Variants in CSMD1 observed in about 807,000 individuals in gnomAD.
The protein encoded by CSMD1 is CUB and sushi domain-containing protein 1.
CSMD1 carries 213 observed loss-of-function variants against 417.5 expected under a neutral mutation model. That is an observed-to-expected ratio of 0.51 (90% confidence interval 0.46 to 0.57). CSMD1 has a LOEUF of 0.57. Among genes scored for constraint, CSMD1 ranks in the 20% least tolerant of loss-of-function variants. The pLI, the probability that CSMD1 is intolerant of heterozygous loss-of-function variation, is 0.00. For synonymous variants in CSMD1, 2,862 were observed against 1,736.8 expected (o/e 1.65, Z -16.11); for missense variants, 6,923 against 4,529.7 (o/e 1.53, Z -15.17).
chr8:3,639,789 C>T (rs955361281), intron 7 of CSMD1, among the ~76,000 whole-genome samples: 4 of 152,162 alleles, frequency 2.6e-5, no homozygotes, highest in East Asian at 3.8e-4. Flanking sequence ...CTTCTAACTA[C>T]TCATCCTATT....
chr8:3,861,778 T>C (rs1217576063), intron 5 of CSMD1, among the ~76,000 whole-genome samples: 1 of 152,180 alleles, frequency 6.6e-6, no homozygotes, highest in Non-Finnish European at 1.5e-5. Flanking sequence ...ACTGGCCCAC[T>C]GAGTATCCTG....
At chr8:4,162,657 C>T (rs1417122872) in intron 3 of CSMD1, among the ~76,000 whole-genome samples, 1 of 152,132 alleles carries the variant, frequency 6.6e-6, no homozygotes, top group Non-Finnish European at 1.5e-5. Context: ...TGTCATGTAA[C>T]ACCTGCTCCC....
In CSMD1 at chr8:2,957,055, G is replaced by A. The variant is rs117661113; in HGVS notation, c.9814+641C>T. On this transcript the variant is annotated intron_variant, in intron 63 of 69. Transcript: ENST00000635120. ...TTTAATACAGTAAGAATAAGACACC[G>A]CATTTCACTAAATTCAGAGTGAGTG... 9.3e-3 allele frequency among the ~76,000 whole-genome samples: 1,408 copies of A among 151,998 alleles called. 9 individuals carry two copies. Among genetic ancestry groups the A allele is most frequent in the Middle Eastern group, 0.017 (5 of 294 alleles).
At chr8:3,650,254 G>C (rs775749458) in intron 7 of CSMD1, among the ~76,000 whole-genome samples, 3 of 151,758 alleles carry the variant, frequency 2.0e-5, no homozygotes, top group Non-Finnish European at 2.9e-5. Flanking sequence ...CTCCAGCCTG[G>C]GTGACAGAGC....
chr8:4,627,439 C>T (rs546545213), intron 2 of CSMD1, among the ~76,000 whole-genome samples: 3 of 152,140 alleles, frequency 2.0e-5, no homozygotes, highest in Admixed American at 1.3e-4. Context: ...GGATTTGATA[C>T]CTGAAGAAAA....
At chr8:3,167,233 C>T (rs533618324) in intron 37 of CSMD1, among the ~76,000 whole-genome samples, 47 of 148,358 alleles carry the variant, frequency 3.2e-4, no homozygotes, top group African/African-American at 8.7e-4. Flanking sequence ...TGCAGTGAGC[C>T]GAGATCGCAC....
chr8:4,349,867 T>G (rs556423563), intron 3 of CSMD1, among the ~76,000 whole-genome samples: 3 of 151,886 alleles, frequency 2.0e-5, no homozygotes, highest in Non-Finnish European at 4.4e-5. Context: ...CTATGTAATG[T>G]TACCTTTAAG....
At chr8:3,765,734 G>A (rs1401009330) in intron 5 of CSMD1, among the ~76,000 whole-genome samples, 6 of 152,282 alleles carry the variant, frequency 3.9e-5, no homozygotes, top group South Asian at 2.1e-4. Flanking sequence ...AGGTGGGGGC[G>A]CCCAGGGGGT....
chr8:2,970,130 A>C (rs1421982584), intron 57 of CSMD1, among the ~76,000 whole-genome samples: 1 of 152,222 alleles, frequency 6.6e-6, no homozygotes, highest in Non-Finnish European at 1.5e-5. Flanking sequence ...AGTTAGATAG[A>C]TTGGGAAGTG....
intron 13 of CSMD1, 54 bp downstream of exon 13, chr8:3,409,369 C>T (rs577099813): frequency 1.7e-5 from 24 of 1,448,020 alleles, no homozygotes; most frequent in African/African-American, 2.8e-5. Flanking sequence ...CTTTTCTCCC[C>T]TTGCAAGATC....
In CSMD1 at chr8:4,227,558, A is replaced by G. The variant is rs1339786957; in HGVS notation, c.415+192395T>C. ...CTGAGAAGCAGGGGTGCCAGGAAGC[A>G]TAATTATTCAGAAGAGAAGTCCCAC... On this transcript the variant is annotated intron_variant, in intron 3 of 69. Coordinates refer to ENST00000635120, the MANE Select transcript of CSMD1 (RefSeq NM_033225.6). Among the ~76,000 whole-genome samples, 6 of 152,170 alleles carry G rather than the reference A, an allele frequency of 3.9e-5. No homozygotes were observed. In the East Asian group the frequency reaches 1.2e-3, roughly 29 times the overall value.
intron 3 of CSMD1, among the ~76,000 whole-genome samples, chr8:4,036,848 C>A (rs1474115567): frequency 6.6e-6 from 1 of 152,178 alleles, no homozygotes; most frequent in Non-Finnish European, 1.5e-5. Context: ...CCTGTTCTTA[C>A]CATCTCTGCA....
intron 1 of CSMD1, among the ~76,000 whole-genome samples, chr8:4,739,124 G>A (rs1054470422): frequency 1.3e-5 from 2 of 152,068 alleles, no homozygotes; most frequent in East Asian, 1.9e-4. Flanking sequence ...ACACATACAT[G>A]TGAACATACA....
intron 5 of CSMD1, among the ~76,000 whole-genome samples, chr8:3,764,300 G>C (rs1360078314): frequency 2.0e-5 from 3 of 152,108 alleles, no homozygotes; most frequent in Non-Finnish European, 2.9e-5. Flanking sequence ...GTCTCTCCTT[G>C]TGCTGTAGGG....
chr8:3,926,770 C>T (rs1242805549), intron 5 of CSMD1, among the ~76,000 whole-genome samples: 5 of 126,526 alleles, frequency 4.0e-5, no homozygotes, highest in African/African-American at 1.3e-4. Flanking sequence ...GGGTGGAATG[C>T]AGTGTCGTGA....
At chr8:4,813,066 C>G (rs910031999) in intron 1 of CSMD1, among the ~76,000 whole-genome samples, 1 of 152,158 alleles carries the variant, frequency 6.6e-6, no homozygotes. Flanking sequence ...ATCCCTCTGG[C>G]AGAGGTAGAT....
At chr8:4,661,277 C>G (rs1322529087) in intron 1 of CSMD1, among the ~76,000 whole-genome samples, 1 of 152,168 alleles carries the variant, frequency 6.6e-6, no homozygotes, top group South Asian at 2.1e-4. Flanking sequence ...TAATACCACT[C>G]AGCAATAAAA....
chr8:4,825,867 T>A (rs559570513), intron 1 of CSMD1, among the ~76,000 whole-genome samples: 12 of 151,316 alleles, frequency 7.9e-5, no homozygotes, highest in African/African-American at 2.9e-4. Flanking sequence ...GATACAATTG[T>A]CCAATAAGCA....
intron 26 of CSMD1, among the ~76,000 whole-genome samples, chr8:3,275,729 G>C (rs1325581060): frequency 6.6e-6 from 1 of 152,108 alleles, no homozygotes; most frequent in Non-Finnish European, 1.5e-5. Context: ...ATCGGCTCCT[G>C]AGGCTTCTGC....
Sources: allele counts gnomAD v4.1 joint callset (sites outside exome capture counted in the v4.1 genomes callset), GRCh38; gene constraint gnomAD v4.1.1; transcripts MANE v1.5; gene names NCBI Gene and HGNC (gene_info 2026-07-23, HGNC 2026-07-21).